Variants in TNC observed in about 807,000 individuals in gnomAD.
The protein encoded by TNC is tenascin C, also known as tenascin.
A neutral mutation model predicts 202.4 loss-of-function variants in TNC; 109 were observed. The observed-to-expected ratio is 0.54, with a 90% CI of 0.46 to 0.63. The LOEUF is 0.63. Among genes scored for constraint, TNC ranks in the 30% least tolerant of loss-of-function variants. The pLI is 0.00. For missense variants in TNC, 2,756 were observed against 2,833.3 expected (o/e 0.97, Z 0.62); for synonymous variants, 1,007 against 1,089.7 (o/e 0.92, Z 1.50).
At chr9:115,056,044 A>G (rs188187813) in intron 15 of TNC, among the ~76,000 whole-genome samples, 1 of 152,280 alleles carries the variant, frequency 6.6e-6, no homozygotes, top group East Asian at 1.9e-4. Context: ...TTGTAGCCTC[A>G]TGTAGAATGA....
intron 18 of TNC, among the ~76,000 whole-genome samples, chr9:115,041,304 A>AGCGTG (rs369968281): frequency 9.4e-6 from 1 of 106,926 alleles, no homozygotes; most frequent in Non-Finnish European, 1.9e-5. Context: ...CAAAGCCAGG[A>AGCGTG]GGGGCGGGGG....
intron 1 of TNC, among the ~76,000 whole-genome samples, chr9:115,098,472 G>A (rs748009322): frequency 2.0e-5 from 3 of 152,174 alleles, no homozygotes; most frequent in Non-Finnish European, 4.4e-5. Flanking sequence ...ATTGCTAGAC[G>A]AAGAAATCAA....
chr9:115,103,106 C>T (rs566567394), intron 1 of TNC, among the ~76,000 whole-genome samples: 1 of 152,326 alleles, frequency 6.6e-6, no homozygotes, highest in Admixed American at 6.5e-5. Context: ...AGACACCACA[C>T]TAAGTGCAGA....
At chr9:115,037,958 A>C (rs552416841) in intron 20 of TNC, among the ~76,000 whole-genome samples, 1 of 152,378 alleles carries the variant, frequency 6.6e-6, no homozygotes, top group South Asian at 2.1e-4. Context: ...TCTTTGTAAA[A>C]GATGACAACT....
chr9:115,030,495 C>T, intron 23 of TNC, 90 bp from the exon 24 acceptor site: 2 of 1,387,258 alleles, frequency 1.4e-6, no homozygotes, highest in Non-Finnish European at 1.9e-6. Flanking sequence ...ACTAGAATGC[C>T]TGGGGAATTT....
intron 1 of TNC, chr9:115,112,688 T>C (rs574332156): frequency 5.9e-5 from 9 of 152,280 alleles, no homozygotes; most frequent in Non-Finnish European, 1.0e-4. Context: ...GGCATCTCCT[T>C]TGGGGACTGT....
chr9:115,033,091 A>G (rs1434943739), intron 22 of TNC, among the ~76,000 whole-genome samples: 1 of 152,168 alleles, frequency 6.6e-6, no homozygotes, highest in Admixed American at 6.5e-5. Flanking sequence ...GTTTTCTTCA[A>G]TGGGAGAATT....
At position 115,046,470 on chromosome 9, in the gene TNC, C is replaced by T; in HGVS notation, c.5065G>A (p.Glu1689Lys). The T allele has an allele frequency of 6.2e-7, 1 of 1,614,132 alleles. No individual in the cohort carries two copies. Residue 1689 changes from glutamate to lysine, a missense_variant, in exon 17 of 28, where the codon GAA becomes AAA. Glu to Lys is a moderately conservative substitution (Grantham distance 56, BLOSUM62 1). Transcript: ENST00000350763. ...GLREATEYEIELYGISKGRRS... is the reference protein window; with the variant it reads ...GLREATEYEIKLYGISKGRRS... ...CTTCCTTTGCTTATTCCATAGAGTT[C>T]AATTTCGTATTCAGTAGCCTCTCTG...
chr9:115,108,670 T>C (rs1836805107), intron 1 of TNC, among the ~76,000 whole-genome samples: 1 of 152,242 alleles, frequency 6.6e-6, no homozygotes, highest in African/African-American at 2.4e-5. Context: ...TGAATGTTTG[T>C]GTTCCCTCAA....
At chr9:115,097,727 T>C (rs1588205328) in intron 1 of TNC, among the ~76,000 whole-genome samples, 1 of 152,162 alleles carries the variant, frequency 6.6e-6, no homozygotes, top group Non-Finnish European at 1.5e-5. Flanking sequence ...GTAATAATAG[T>C]GGCATCTCCT....
intron 26 of TNC, among the ~76,000 whole-genome samples, chr9:115,026,103 G>T (rs1258380118): frequency 6.6e-6 from 1 of 152,176 alleles, no homozygotes; most frequent in East Asian, 1.9e-4. Context: ...CAGAATCTCA[G>T]CCCCATCCCA....
intron 10 of TNC, among the ~76,000 whole-genome samples, chr9:115,072,850 T>A (rs146321562): frequency 4.6e-5 from 7 of 152,370 alleles, no homozygotes; most frequent in African/African-American, 1.7e-4. Context: ...GAATATTTGG[T>A]GGCCAAAATT....
At chr9:115,089,869 C>T (rs1835085636) in intron 2 of TNC, among the ~76,000 whole-genome samples, 1 of 152,164 alleles carries the variant, frequency 6.6e-6, no homozygotes, top group Non-Finnish European at 1.5e-5. Flanking sequence ...AGATTCATTT[C>T]TTTGATCTGT....
At position 115,064,777 on chromosome 9, in the gene TNC, G is replaced by T. The variant is rs1199057561; in HGVS notation, c.3357C>A (p.Asn1119Lys). Residue 1119 changes from asparagine to lysine, a missense_variant, in exon 11 of 28, where the codon AAC becomes AAA. Asn to Lys is a moderately conservative substitution (Grantham distance 94). This residue lies in a region of TNC where 2,559 missense variants were observed against 2,546.0 expected (regional missense o/e 1.01). Coordinates refer to ENST00000350763, the MANE Select transcript of TNC (RefSeq NM_002160.4). ...QEANKVEAAR[N>K]LTVPGSLRAV... is the part of the protein sequence containing the mutation. ...CCCGAAGGCTGCCAGGCACGGTGAG[G>T]TTCCGAGCTGCCTCCACCTTGTTGG... 1 of 1,614,172 alleles carries T rather than the reference G, an allele frequency of 6.2e-7. No individual in the cohort carries two copies. Among genetic ancestry groups the T allele is most frequent in the African/African-American group, 1.3e-5 (1 of 75,028 alleles).
intron 15 of TNC, among the ~76,000 whole-genome samples, chr9:115,050,005 C>T (rs1261517428): frequency 6.6e-6 from 1 of 152,114 alleles, no homozygotes; most frequent in African/African-American, 2.4e-5. Context: ...AAAGATTTCC[C>T]AAGAATCATA....
Position 115,116,352 on chromosome 9 carries a change from A to T in TNC, c.-137+1630T>A, listed in dbSNP as rs181683859. On this transcript the variant is annotated intron_variant, in intron 1 of 27. Transcript: ENST00000350763. The stretch of plus-strand genomic sequence containing the variant: ...TTGTGCACCTTTTTCTTCCCCACAA[A>T]GCAGTCACCTTCCTGAAATGCAAGG... 1.6e-4 allele frequency among the ~76,000 whole-genome samples: 24 copies of T among 152,342 alleles called. No homozygotes were observed. The East Asian group carries it at 4.4e-3, about 28-fold the overall frequency.
chr9:115,036,495 G>A (rs1379799557), intron 20 of TNC, among the ~76,000 whole-genome samples: 2 of 152,186 alleles, frequency 1.3e-5, no homozygotes, highest in Non-Finnish European at 2.9e-5. Flanking sequence ...CTGGGGGTCA[G>A]GAGATTTTTT....
At chr9:115,031,723 C>T in intron 22 of TNC, 38 bp from the exon 23 acceptor site, 1 of 1,595,198 alleles carries the variant, frequency 6.3e-7, no homozygotes, top group Non-Finnish European at 8.5e-7. Flanking sequence ...CTTTTGGTCA[C>T]AGAAATTCTC....
At chr9:115,078,719 A>G (rs1359197184) in intron 6 of TNC, among the ~76,000 whole-genome samples, 3 of 152,176 alleles carry the variant, frequency 2.0e-5, no homozygotes, top group Non-Finnish European at 4.4e-5. Flanking sequence ...CTTATTTTTG[A>G]TAGAAAGAAT....
Sources: allele counts gnomAD v4.1 joint callset (sites outside exome capture counted in the v4.1 genomes callset), GRCh38; gene constraint gnomAD v4.1.1; regional missense constraint gnomAD v4.1.1; transcripts MANE v1.5; gene names NCBI Gene and HGNC (gene_info 2026-07-23, HGNC 2026-07-21).